The following PDE4D variants were observed in gnomAD, a reference collection of about 807,000 sequenced individuals.
PDE4D encodes phosphodiesterase 4D.
In PDE4D, 24 loss-of-function variants were observed where a neutral mutation model predicts 87.4. The observed-to-expected ratio is 0.27, with a 90% CI of 0.20 to 0.39. The LOEUF is 0.39. PDE4D is among the 10% of genes least tolerant of loss of function. The pLI is 1.00. For missense variants in PDE4D, 714 were observed against 1,041.0 expected, an observed-to-expected ratio of 0.69 and a Z score of 4.32; for synonymous variants, 384 against 383.2, an observed-to-expected ratio of 1.00 and a Z score of -0.02.
chr5:59,484,155 C>A (rs536295457), intron 1 of PDE4D, among the ~76,000 whole-genome samples: 13 of 152,182 alleles, frequency 8.5e-5, no homozygotes, highest in Non-Finnish European at 1.9e-4. Flanking sequence ...TAAAACATCC[C>A]TGGGGAATTC....
intron 1 of PDE4D, among the ~76,000 whole-genome samples, chr5:59,371,547 G>A (rs1487041197): frequency 6.6e-6 from 1 of 152,034 alleles, no homozygotes; most frequent in Non-Finnish European, 1.5e-5. Flanking sequence ...CTCAGTTAAG[G>A]TGGTTTTTGA....
At chr5:59,045,937 T>C (rs1760551194) in intron 5 of PDE4D, among the ~76,000 whole-genome samples, 1 of 152,208 alleles carries the variant, frequency 6.6e-6, no homozygotes, top group Admixed American at 6.5e-5. Flanking sequence ...ACAATCTCTG[T>C]ATTAAAATCC....
At chr5:60,094,279 A>G (rs1236428931) in intron 2 of PDE4D, among the ~76,000 whole-genome samples, 3 of 152,198 alleles carry the variant, frequency 2.0e-5, no homozygotes, top group East Asian at 1.9e-4. Context: ...CAAAACATCA[A>G]AAACAAAGTT....
At chr5:59,310,076 T>C (rs1302822583) in intron 1 of PDE4D, among the ~76,000 whole-genome samples, 2 of 152,182 alleles carry the variant, frequency 1.3e-5, no homozygotes, top group African/African-American at 4.8e-5. Flanking sequence ...ACAGCAGAGG[T>C]GGAGGACTTC....
chr5:60,406,831 C>T (rs1428323154), intron 1 of PDE4D, among the ~76,000 whole-genome samples: 2 of 152,040 alleles, frequency 1.3e-5, no homozygotes, highest in Non-Finnish European at 2.9e-5. Flanking sequence ...AGCTAATACA[C>T]ATTCCTTCTA....
chr5:59,018,544 A>T (rs1754483961), intron 6 of PDE4D, among the ~76,000 whole-genome samples: 1 of 152,216 alleles, frequency 6.6e-6, no homozygotes, highest in Non-Finnish European at 1.5e-5. Context: ...AATATGTAAA[A>T]AACACGAAAA....
At chr5:59,691,838 T>C (rs1052184313) in intron 1 of PDE4D, among the ~76,000 whole-genome samples, 4 of 152,116 alleles carry the variant, frequency 2.6e-5, no homozygotes, top group African/African-American at 4.8e-5. Flanking sequence ...TTTCCTTTCA[T>C]TCAATAAATA....
intron 1 of PDE4D, among the ~76,000 whole-genome samples, chr5:59,762,350 ATATATGTG>A (rs1762136590): frequency 3.3e-5 from 2 of 61,080 alleles, no homozygotes; most frequent in East Asian, 3.3e-4. Context: ...ACACATATGC[ATATATGTG>A]TATATGGGTA....
chr5:59,561,947 A>T lies in PDE4D; in HGVS notation c.455+331221T>A, dbSNP rs200268402. Reference sequence around the variant, plus strand: ...AACGCTGTCAAAAAAAAAAAAAAAAATTAAATAAAATGTAGATTAACTCCT... The same window carrying T: ...AACGCTGTCAAAAAAAAAAAAAAAATTTAAATAAAATGTAGATTAACTCCT... On this transcript the variant is annotated intron_variant, in intron 1 of 14. Transcript: ENST00000340635. Among the ~76,000 whole-genome samples the T allele has an allele frequency of 7.9e-4, 114 of 144,798 alleles. 1 individual carries two copies. The East Asian group carries it at 0.017, about 22-fold the overall frequency. The allele number at this position is 144,798 out of a possible 152,430, so 95.0% of individuals were successfully genotyped here.
At chr5:59,804,495 G>A (rs34216963) in intron 1 of PDE4D, among the ~76,000 whole-genome samples, 4,677 of 150,882 alleles carry the variant, frequency 0.031, 108 homozygotes, top group Non-Finnish European at 0.045. Flanking sequence ...GGTCTTTCTC[G>A]TAGAATGACT....
chr5:60,474,112 A>ATATATATGTG (rs1554041514), intron 1 of PDE4D, among the ~76,000 whole-genome samples: 1 of 74,878 alleles, frequency 1.3e-5, no homozygotes, highest in East Asian at 4.0e-4. Flanking sequence ...TGCCATATAT[A>ATATATATGTG]TATATATATA....
chr5:60,463,184 A>C (rs1483351333), intron 1 of PDE4D, among the ~76,000 whole-genome samples: 1 of 152,138 alleles, frequency 6.6e-6, no homozygotes, highest in East Asian at 1.9e-4. Flanking sequence ...CACTGAGCCT[A>C]TGCATACAGG....
At chr5:59,338,328 C>T (rs1778093240) in intron 1 of PDE4D, among the ~76,000 whole-genome samples, 1 of 152,186 alleles carries the variant, frequency 6.6e-6, no homozygotes, top group Admixed American at 6.5e-5. Context: ...CCCCTAGTCC[C>T]AGCCAATAAC....
chr5:59,651,172 C>T (rs918564437), intron 1 of PDE4D, among the ~76,000 whole-genome samples: 5 of 151,134 alleles, frequency 3.3e-5, no homozygotes, highest in East Asian at 1.9e-4. Context: ...AGGAGAATGG[C>T]GTGAACCCAG....
chr5:59,479,217 C>T (rs568267800), intron 1 of PDE4D, among the ~76,000 whole-genome samples: 2 of 152,126 alleles, frequency 1.3e-5, no homozygotes, highest in African/African-American at 4.8e-5. Flanking sequence ...TTCTAAATCA[C>T]TTGGCCTAGA....
At chr5:59,548,184 T>A (rs950326132) in intron 1 of PDE4D, among the ~76,000 whole-genome samples, 1 of 152,214 alleles carries the variant, frequency 6.6e-6, no homozygotes, top group African/African-American at 2.4e-5. Flanking sequence ...TTAAGTCGGC[T>A]TAAATTCAGT....
At chr5:59,584,118 G>A (rs1015609498) in intron 1 of PDE4D, among the ~76,000 whole-genome samples, 3 of 152,130 alleles carry the variant, frequency 2.0e-5, no homozygotes, top group Non-Finnish European at 2.9e-5. Context: ...GATAATTCAC[G>A]AGCCTGAAAT....
intron 1 of PDE4D, among the ~76,000 whole-genome samples, chr5:59,240,673 T>G (rs966894377): frequency 6.6e-6 from 1 of 152,114 alleles, no homozygotes; most frequent in Admixed American, 6.6e-5. Context: ...TTCTAAAACA[T>G]AGCCACCCTG....
intron 1 of PDE4D, among the ~76,000 whole-genome samples, chr5:60,214,902 T>C (rs113459524): frequency 6.6e-6 from 1 of 152,212 alleles, no homozygotes; most frequent in African/African-American, 2.4e-5. Context: ...TCATCTGAAA[T>C]GTAACAGGTG....
Sources: allele counts gnomAD v4.1 joint callset (sites outside exome capture counted in the v4.1 genomes callset), GRCh38; gene constraint gnomAD v4.1.1; transcripts MANE v1.5; gene names NCBI Gene and HGNC (gene_info 2026-07-23, HGNC 2026-07-21).